Variants in MAML1 observed in about 807,000 individuals in gnomAD.
MAML1 encodes the protein mastermind like transcriptional coactivator 1.
A neutral mutation model predicts 77.1 loss-of-function variants in MAML1; 14 were observed. The ratio of observed to expected loss-of-function variants is 0.18; its 90% CI spans 0.12 to 0.28. The LOEUF is 0.28. Ranked by LOEUF, MAML1 falls within the 10% of genes least tolerant of loss-of-function variation. MAML1 has a pLI of 1.00. For synonymous variants in MAML1, 516 were observed against 551.9 expected (o/e 0.93, Z 0.91); for missense variants, 1,217 against 1,327.8 (o/e 0.92, Z 1.30).
At chr5:179,772,248 A>G (rs1167941410) in intron 4 of MAML1, among the ~76,000 whole-genome samples, 1 of 152,102 alleles carries the variant, frequency 6.6e-6, no homozygotes, top group Non-Finnish European at 1.5e-5. Flanking sequence ...CCTCCCAAGC[A>G]GCTGGGATTA....
chr5:179,737,833 G>T (rs916099985), intron 1 of MAML1, among the ~76,000 whole-genome samples: 4 of 152,154 alleles, frequency 2.6e-5, no homozygotes, highest in African/African-American at 9.7e-5. Context: ...TCTTGAAACA[G>T]GGTCTGGCTC....
chr5:179,747,169 AT>A (rs2113346114), intron 1 of MAML1, among the ~76,000 whole-genome samples: 1 of 152,278 alleles, frequency 6.6e-6, no homozygotes, highest in South Asian at 2.1e-4. Context: ...CACACTTTTA[AT>A]TAGTGTGTTT....
At position 179,766,852 on chromosome 5, in the gene MAML1, G is replaced by A. The variant is rs1442166861; in HGVS notation, c.1731+111G>A. 21 of 814,382 alleles carry A rather than the reference G, an allele frequency of 2.6e-5. No individual in the cohort carries two copies. The highest frequency in any genetic ancestry group is 3.5e-5 in the Non-Finnish European group (19 of 545,400). The allele number at this position is 814,382 out of a possible 1,614,324, so 50.4% of individuals were successfully genotyped here. ...GGTAGTTGTGGGAAGAGGGAGGAGG[G>A]AATAGCTGCTGTCATCCTTGCTCCT... On this transcript the variant is annotated intron_variant, in intron 2 of 4. Transcript: ENST00000292599. The surrounding 1 kb of genome is among the most constrained non-coding windows in gnomAD (Gnocchi z 4.0).
intron 1 of MAML1, among the ~76,000 whole-genome samples, chr5:179,757,516 C>T (rs989307112): frequency 3.3e-5 from 5 of 151,830 alleles, no homozygotes; most frequent in East Asian, 3.9e-4. Context: ...TGCAGTGAGC[C>T]GGCATGGTGC....
chr5:179,776,651 G>A lies in MAML1; in HGVS notation c.*1774G>A, dbSNP rs1310282078. 3.0e-6 allele frequency: 3 copies of A among 985,646 alleles called. No individual in the cohort carries two copies. The highest frequency in any genetic ancestry group is 3.6e-6 in the Non-Finnish European group (3 of 829,978). The allele number at this position is 985,646 out of a possible 1,614,324, so 61.1% of individuals were successfully genotyped here. ...GCGGCTTTTCTCCCAAAAATCGGCT[G>A]AAGGCTGGTTGTGGATCCTTGTTCC... On this transcript the variant is annotated 3_prime_UTR_variant, in exon 5 of 5. Transcript: ENST00000292599.
rs531307412 is a variant in MAML1 at position 179,767,505 on chromosome 5, C to T, written c.1731+764C>T. Among the ~76,000 whole-genome samples the T allele has an allele frequency of 8.7e-5, 13 of 149,266 alleles. No homozygotes were observed. The East Asian group carries it at 2.0e-3, about 23-fold the overall frequency. On this transcript the variant is annotated intron_variant, in intron 2 of 4. Coordinates refer to ENST00000292599, the MANE Select transcript of MAML1 (RefSeq NM_014757.5). ...CATATGCATTGACACACTATATACC[C>T]GACAAGTTGATCTAAAGAAATAATC...
chr5:179,743,282 C>T (rs1274460440), intron 1 of MAML1, among the ~76,000 whole-genome samples: 5 of 151,432 alleles, frequency 3.3e-5, no homozygotes, highest in Middle Eastern at 3.4e-3. Context: ...GAACTCCCGG[C>T]CTCAGGTGAT....
chr5:179,773,840 A>G, intron 4 of MAML1, 55 bp from the exon 5 acceptor site: 1 of 1,553,144 alleles, frequency 6.4e-7, no homozygotes. Context: ...CTCGAGTCTC[A>G]GAGGGACCCA....
In MAML1 at chr5:179,733,028, G is replaced by A. The variant is rs930332112; in HGVS notation, c.-85G>A. 3.6e-5 allele frequency: 31 copies of A among 857,646 alleles called. No individual in the cohort carries two copies. The African/African-American group carries it at 4.7e-4, about 13-fold the overall frequency. The allele number at this position is 857,646 out of a possible 1,614,324, so 53.1% of individuals were successfully genotyped here. ...GCATGGCGCGGCCGTGAGGCGGAGA[G>A]GGGTAGCCGCGGGGAGCGAAGCCCG... is the stretch of plus-strand genomic sequence containing the variant. On this transcript the variant is annotated 5_prime_UTR_variant, in exon 1 of 5. Coordinates refer to ENST00000292599, the MANE Select transcript of MAML1 (RefSeq NM_014757.5).
chr5:179,765,351 A>C lies in MAML1; in HGVS notation c.341A>C (p.Asn114Thr). ...CATCTTCATGATACAGTTAAGAGGA[A>C]TCTTGACAGCGCCACTTCCCCTCAG... Reference protein sequence around the residue: ...ATHLHDTVKRNLDSATSPQNG... With the variant: ...ATHLHDTVKRTLDSATSPQNG... Residue 114 changes from asparagine (N) to threonine (T), a missense_variant, in exon 2 of 5, where the codon AAT becomes ACT. Physicochemically the swap from Asn to Thr is moderately conservative, Grantham distance 65 (BLOSUM62 0). This residue lies in a region of MAML1 where 312 missense variants were observed against 331.4 expected (regional missense o/e 0.94). Coordinates refer to ENST00000292599, the MANE Select transcript of MAML1 (RefSeq NM_014757.5). 1.2e-6 allele frequency: 2 copies of C among 1,606,918 alleles called. No individual in the cohort carries two copies. Among genetic ancestry groups the C allele is most frequent in the Non-Finnish European group, 1.7e-6 (2 of 1,177,466 alleles).
Position 179,752,922 on chromosome 5 carries a change from C to T in MAML1, c.316-12404C>T, listed in dbSNP as rs1348210710. Among the ~76,000 whole-genome samples the T allele has an allele frequency of 5.9e-5, 9 of 152,188 alleles. No individual in the cohort carries two copies. In the East Asian group the frequency reaches 9.7e-4, roughly 16 times the overall value. On this transcript the variant is annotated intron_variant, in intron 1 of 4. Transcript: ENST00000292599. ...CTGAGTAGCTGGGATTACAGGCACC[C>T]GCCATCATGCCCAGCTAATTTTTGT... is the stretch of plus-strand genomic sequence containing the variant.
intron 1 of MAML1, among the ~76,000 whole-genome samples, chr5:179,762,375 C>T (rs1262421853): frequency 1.3e-5 from 2 of 151,974 alleles, no homozygotes; most frequent in Admixed American, 1.3e-4. Flanking sequence ...CAGGTGGCGC[C>T]TGGAGAGTGT....
intron 1 of MAML1, among the ~76,000 whole-genome samples, chr5:179,736,336 T>A (rs1194473624): frequency 6.6e-6 from 1 of 152,050 alleles, no homozygotes; most frequent in East Asian, 1.9e-4. Flanking sequence ...CACTGCAACC[T>A]CCGCCTCCCA....
chr5:179,734,970 C>A (rs763742527), intron 1 of MAML1, among the ~76,000 whole-genome samples: 1 of 152,172 alleles, frequency 6.6e-6, no homozygotes, highest in Non-Finnish European at 1.5e-5. Flanking sequence ...GCCACCGCAC[C>A]GTGCCGCCCC....
chr5:179,745,028 T>C (rs1779352782), intron 1 of MAML1, among the ~76,000 whole-genome samples: 1 of 151,806 alleles, frequency 6.6e-6, no homozygotes, highest in African/African-American at 2.4e-5. Flanking sequence ...CAGCCTCCCT[T>C]GTAGCTGGGA....
rs1554149466 is a variant in MAML1, at chr5:179,745,865, A to AAT, written c.315+12439_315+12440insTA. Among the ~76,000 whole-genome samples, 774 of 136,748 alleles carry AAT rather than the reference A, an allele frequency of 5.7e-3. 9 individuals are homozygous for AAT. Among genetic ancestry groups the AAT allele is most frequent in the African/African-American group, 0.023 (713 of 30,572 alleles). 89.7% of individuals were successfully genotyped at this position (136,748 alleles called of 152,430 possible). ...ACAGAGCGCAACTCCGTCTCAAAAA[A>AAT]AAAAAAAAAAAAAAAAAAATTAGCC... On this transcript the variant is annotated intron_variant, in intron 1 of 4. Coordinates refer to ENST00000292599, the MANE Select transcript of MAML1 (RefSeq NM_014757.5).
At chr5:179,756,241 C>T (rs1008231946) in intron 1 of MAML1, among the ~76,000 whole-genome samples, 3 of 151,058 alleles carry the variant, frequency 2.0e-5, no homozygotes, top group Non-Finnish European at 3.0e-5. Flanking sequence ...CTGGCTAACA[C>T]GGTGAAACCC....
rs983615963 is a variant in MAML1 at position 179,776,766 on chromosome 5, C to T, written c.*1889C>T. On this transcript the variant is annotated 3_prime_UTR_variant, in exon 5 of 5. Transcript: ENST00000292599. ...CACTCCGCCTTAGTCCTGGGGCCGG[C>T]GACACAGTGGGGGCTCCTCACTTGC... 2.8e-5 allele frequency: 28 copies of T among 985,940 alleles called. No homozygotes were observed. Among genetic ancestry groups the T allele is most frequent in the African/African-American group, 3.5e-5 (2 of 57,352 alleles). 61.1% of individuals were successfully genotyped at this position (985,940 alleles called of 1,614,324 possible).
chr5:179,766,244 C>G lies in MAML1; in HGVS notation c.1234C>G (p.Leu412Val), dbSNP rs368248614. ...IAAKQKREQM[L>V]QNPQQATPAP... ...TGCCAAGCAGAAGCGCGAGCAGATG[C>G]TCCAGAACCCACAGCAGGCCACCCC... is the stretch of plus-strand genomic sequence containing the variant. Residue 412 changes from leucine to valine, a missense_variant, in exon 2 of 5, where the codon CTC becomes GTC. Leu to Val is a conservative substitution (Grantham distance 32). Around this residue, in one of 3 missense-constraint regions of MAML1, gnomAD observed 884 missense variants for 949.3 expected, o/e 0.93. Transcript: ENST00000292599. This position sits in a 1 kb window ranked among gnomAD's most constrained non-coding sequence, Gnocchi z 4.0. 1 of 1,613,698 alleles carries G rather than the reference C, an allele frequency of 6.2e-7. No individual in the cohort carries two copies. Among genetic ancestry groups the G allele is most frequent in the Non-Finnish European group, 8.5e-7 (1 of 1,179,954 alleles).
Sources: gnomAD v4.1 joint callset for allele counts (sites outside exome capture counted in the v4.1 genomes callset) on GRCh38, gnomAD v4.1.1 for gene constraint, gnomAD v4.1.1 regional missense constraint, Gnocchi (gnomAD v3.1) non-coding constraint, MANE v1.5 for transcripts, NCBI Gene and HGNC (gene_info 2026-07-23, HGNC 2026-07-21) for gene names.